NMNAT2: variants seen among roughly 807,000 people sequenced by gnomAD.
The protein encoded by NMNAT2 is nicotinamide nucleotide adenylyltransferase 2, also known as nicotinamide/nicotinic acid mononucleotide adenylyltransferase 2.
A neutral mutation model predicts 41.6 loss-of-function variants in NMNAT2; 11 were observed. The observed-to-expected ratio is 0.26, with a 90% confidence interval of 0.17 to 0.44. The LOEUF is 0.44. Among genes scored for constraint, NMNAT2 ranks in the 20% least tolerant of loss-of-function variants. The pLI is 1.00. For missense variants in NMNAT2, 288 were observed against 407.7 expected (o/e 0.71, Z 2.53); for synonymous variants, 148 against 151.2 (o/e 0.98, Z 0.16).
At chr1:183,290,709 C>T (rs1172134083) in intron 3 of NMNAT2, 1 of 152,318 alleles carries the variant, frequency 6.6e-6, no homozygotes, top group Non-Finnish European at 1.5e-5. Context: ...CAAGTGGTGG[C>T]CCAGGTTATC....
rs142661514 is a variant in NMNAT2 at position 183,376,238 on chromosome 1, G to A, written c.85+41945C>T. 7.7e-3 allele frequency among the ~76,000 whole-genome samples: 1,171 copies of A among 152,222 alleles called. 4 individuals carry two copies. Among genetic ancestry groups the A allele is most frequent in the Admixed American group, 0.017 (261 of 15,280 alleles). On this transcript the variant is annotated intron_variant, in intron 1 of 10. Coordinates refer to ENST00000287713, the MANE Select transcript of NMNAT2 (RefSeq NM_015039.4). The stretch of plus-strand genomic sequence containing the variant: ...ATTCATTATTAATCTCATTAGTTGA[G>A]AACCTATTAAGTGGGTCACATTTGA...
intron 1 of NMNAT2, among the ~76,000 whole-genome samples, chr1:183,362,726 A>G (rs570799144): frequency 6.6e-6 from 1 of 152,336 alleles, no homozygotes; most frequent in South Asian, 2.1e-4. Flanking sequence ...TGCTGTAAAC[A>G]TCATGTACGA....
At chr1:183,382,310 T>C (rs377737317) in intron 1 of NMNAT2, among the ~76,000 whole-genome samples, 36 of 148,594 alleles carry the variant, frequency 2.4e-4, no homozygotes, top group Admixed American at 3.4e-4. Flanking sequence ...CACCAGGCCC[T>C]TCCTCCAACA....
chr1:183,345,660 T>C (rs1385776723), intron 1 of NMNAT2, among the ~76,000 whole-genome samples: 1 of 151,646 alleles, frequency 6.6e-6, no homozygotes, highest in East Asian at 2.0e-4. Flanking sequence ...TTCTCAGCTT[T>C]CATAACTACA....
chr1:183,362,568 T>G (rs1331109864), intron 1 of NMNAT2, among the ~76,000 whole-genome samples: 2 of 152,228 alleles, frequency 1.3e-5, no homozygotes, highest in Non-Finnish European at 2.9e-5. Flanking sequence ...ACAAAATGCT[T>G]TCAAGGTTCA....
In NMNAT2 at chr1:183,311,216, A is replaced by T. The variant is rs189396117; in HGVS notation, c.86-17423T>A. Reference sequence around the variant, plus strand: ...AATTCACCCTGACCTGACAGAATTAATGGTTTCTGTGCCCAGTCATTAAGA... The same window carrying T: ...AATTCACCCTGACCTGACAGAATTATTGGTTTCTGTGCCCAGTCATTAAGA... On this transcript the variant is annotated intron_variant, in intron 1 of 10. Coordinates refer to ENST00000287713, the MANE Select transcript of NMNAT2 (RefSeq NM_015039.4). Among the ~76,000 whole-genome samples the T allele has an allele frequency of 5.3e-5, 8 of 152,270 alleles. No homozygotes were observed. In the East Asian group the frequency reaches 1.5e-3, roughly 29 times the overall value.
At chr1:183,401,780 C>A (rs1303832750) in intron 1 of NMNAT2, among the ~76,000 whole-genome samples, 1 of 152,044 alleles carries the variant, frequency 6.6e-6, no homozygotes, top group Non-Finnish European at 1.5e-5. Flanking sequence ...ATGGAAGAAG[C>A]TGGAAACTAT....
intron 2 of NMNAT2, 25 bp from the exon 3 acceptor site, chr1:183,292,882 GGGAGACTCC>G (rs1187044932): frequency 1.2e-6 from 2 of 1,610,920 alleles, no homozygotes; most frequent in Non-Finnish European, 1.7e-6. Context: ...AGCAATCATT[GGGAGACTCC>G]CTCCGTTCCC....
At chr1:183,265,831 T>C (rs944698498) in intron 8 of NMNAT2, among the ~76,000 whole-genome samples, 1 of 152,194 alleles carries the variant, frequency 6.6e-6, no homozygotes, top group Admixed American at 6.5e-5. Flanking sequence ...TCTGCAGATA[T>C]GATTAAACTA....
chr1:183,316,447 C>G lies in NMNAT2; in HGVS notation c.86-22654G>C, dbSNP rs188725439. 1.8e-3 allele frequency among the ~76,000 whole-genome samples: 277 copies of G among 152,304 alleles called. 1 individual carries two copies. The highest frequency in any genetic ancestry group is 3.2e-3 in the Non-Finnish European group (217 of 68,024). ...GCAAAATCCATGCCCCCTCACCTCC[C>G]CATACACATTCTTTCTGACCCATTT... is the stretch of plus-strand genomic sequence containing the variant. On this transcript the variant is annotated intron_variant, in intron 1 of 10. Transcript: ENST00000287713.
At chr1:183,380,959 G>C (rs1200288924) in intron 1 of NMNAT2, among the ~76,000 whole-genome samples, 1 of 152,140 alleles carries the variant, frequency 6.6e-6, no homozygotes, top group Non-Finnish European at 1.5e-5. Flanking sequence ...TAGAAAGGTC[G>C]ATCTAGAGGC....
At chr1:183,269,970 G>A (rs1197230575) in intron 8 of NMNAT2, among the ~76,000 whole-genome samples, 1 of 152,014 alleles carries the variant, frequency 6.6e-6, no homozygotes, top group Non-Finnish European at 1.5e-5. Flanking sequence ...TGCAAGCTCC[G>A]CCTCCCGGGT....
At chr1:183,258,922 T>C (rs1286435324) in intron 10 of NMNAT2, among the ~76,000 whole-genome samples, 1 of 152,170 alleles carries the variant, frequency 6.6e-6, no homozygotes, top group East Asian at 1.9e-4. Context: ...GCTCCCGAAA[T>C]GCTCAGGGAG....
At chr1:183,354,040 G>T (rs1302447631) in intron 1 of NMNAT2, among the ~76,000 whole-genome samples, 1 of 152,134 alleles carries the variant, frequency 6.6e-6, no homozygotes, top group Admixed American at 6.5e-5. Context: ...TATGAGTTTA[G>T]TAGATAAAAT....
chr1:183,284,612 C>T (rs1341210445), intron 6 of NMNAT2, 98 bp downstream of exon 6: 11 of 999,834 alleles, frequency 1.1e-5, no homozygotes, highest in Middle Eastern at 2.1e-4. Context: ...CGGGAATTTG[C>T]GGTGGGGGGA....
At chr1:183,259,394 C>T (rs1391589106) in intron 10 of NMNAT2, among the ~76,000 whole-genome samples, 2 of 152,154 alleles carry the variant, frequency 1.3e-5, no homozygotes, top group African/African-American at 2.4e-5. Flanking sequence ...AAGTCCTGGT[C>T]TCATTTGATT....
chr1:183,382,311 T>G (rs1401934595), intron 1 of NMNAT2, among the ~76,000 whole-genome samples: 1 of 152,120 alleles, frequency 6.6e-6, no homozygotes, highest in African/African-American at 2.4e-5. Flanking sequence ...ACCAGGCCCT[T>G]CCTCCAACAC....
chr1:183,280,178 A>G (rs917392456), intron 7 of NMNAT2, among the ~76,000 whole-genome samples: 1 of 152,150 alleles, frequency 6.6e-6, no homozygotes, highest in Non-Finnish European at 1.5e-5. Context: ...CAGGAGCCAG[A>G]CTAGGCTTAT....
Position 183,292,944 on chromosome 1 carries a change from A to C in NMNAT2, c.175-87T>G, listed in dbSNP as rs1467518398. The C allele has an allele frequency of 5.7e-6, 7 of 1,235,142 alleles. No individual in the cohort carries two copies. The Admixed American group carries it at 5.8e-5, about 10-fold the overall frequency. 76.5% of individuals were successfully genotyped at this position (1,235,142 alleles called of 1,614,324 possible). A position where few individuals can be genotyped will look rare whatever the true frequency, so the allele number is the denominator to read the frequency against. On this transcript the variant is annotated intron_variant, in intron 2 of 10. Transcript: ENST00000287713. ...ACCAGCCCAAGCCCACCCATTGTTAAAGTGCAGCCATTTTTCAGTGGTGAG... is the reference window on the plus strand; with the variant it reads ...ACCAGCCCAAGCCCACCCATTGTTACAGTGCAGCCATTTTTCAGTGGTGAG...
Sources: allele counts gnomAD v4.1 joint callset (sites outside exome capture counted in the v4.1 genomes callset), GRCh38; gene constraint gnomAD v4.1.1; transcripts MANE v1.5; gene names NCBI Gene and HGNC (gene_info 2026-07-23, HGNC 2026-07-21).